Variants in ITGAE observed in about 807,000 individuals in gnomAD.
ITGAE encodes integrin subunit alpha E.
ITGAE carries 99 observed loss-of-function variants against 136.5 expected under a neutral mutation model. The ratio of observed to expected loss-of-function variants is 0.73; its 90% CI spans 0.62 to 0.86. The LOEUF (loss-of-function observed/expected upper bound fraction) is 0.86, where lower values mean the gene tolerates loss of function less well. Among genes scored for constraint, ITGAE ranks in the 40% least tolerant of loss-of-function variants. The pLI is 0.00. For missense variants in ITGAE, 1,447 were observed against 1,515.3 expected (o/e 0.95, Z 0.75); for synonymous variants, 613 against 591.8 (o/e 1.04, Z -0.52).
chr17:3,727,979 G>A lies in ITGAE; in HGVS notation c.3024C>T (p.Cys1008=), dbSNP rs749422372. ...LFGAEYQLQI[C]VPTKLRGLQV... is the part of the protein sequence containing the mutation. ...GGAGACCTCGTAATTTGGTTGGGACGCAAATTTGCAACTGGTATTCTGCTC... is the reference window on the plus strand; with the variant it reads ...GGAGACCTCGTAATTTGGTTGGGACACAAATTTGCAACTGGTATTCTGCTC... The change falls in exon 26 of 31, where the codon TGC becomes TGT. Residue 1008 remains cysteine, a synonymous_variant. Coordinates refer to ENST00000263087, the MANE Select transcript of ITGAE (RefSeq NM_002208.5). 27 of 1,613,972 alleles carry A rather than the reference G, an allele frequency of 1.7e-5. No homozygotes were observed. The highest frequency in any genetic ancestry group is 3.3e-4 in the Middle Eastern group (2 of 6,062).
At chr17:3,755,462 C>T (rs1045778767) in intron 11 of ITGAE, among the ~76,000 whole-genome samples, 3 of 152,228 alleles carry the variant, frequency 2.0e-5, no homozygotes, top group African/African-American at 7.2e-5. Flanking sequence ...CTTGCACTCC[C>T]TCCTCCGGGA....
intron 1 of ITGAE, among the ~76,000 whole-genome samples, chr17:3,794,574 TA>T (rs1230064143): frequency 6.6e-6 from 1 of 152,130 alleles, no homozygotes; most frequent in Non-Finnish European, 1.5e-5. Flanking sequence ...ACAGCCTACA[TA>T]GACTCTCAAA....
At position 3,756,102 on chromosome 17, in the gene ITGAE, G is replaced by A. The variant is rs541515852; in HGVS notation, c.1172-205C>T. ...ACTCTTTCTAGGCCTCAGTTTCCTC[G>A]TCTGTGAGCTCCTGGGAGAAGGGAC... On this transcript the variant is annotated intron_variant, in intron 10 of 30. Coordinates refer to ENST00000263087, the MANE Select transcript of ITGAE (RefSeq NM_002208.5). Among the ~76,000 whole-genome samples, 10 of 152,122 alleles carry A rather than the reference G, an allele frequency of 6.6e-5. No individual in the cohort carries two copies. In the East Asian group the frequency reaches 1.2e-3, roughly 18 times the overall value.
At chr17:3,771,352 C>A (rs1329954254) in intron 2 of ITGAE, among the ~76,000 whole-genome samples, 2 of 152,104 alleles carry the variant, frequency 1.3e-5, no homozygotes, top group Admixed American at 1.3e-4. Flanking sequence ...CGAGGCTAAT[C>A]CACGGAGATG....
intron 1 of ITGAE, among the ~76,000 whole-genome samples, chr17:3,784,809 A>T (rs1014584018): frequency 8.5e-5 from 13 of 152,206 alleles, no homozygotes; most frequent in Non-Finnish European, 1.9e-4. Flanking sequence ...ATGTTCTCTG[A>T]CTATACTAGA....
At chr17:3,716,986 A>C in intron 29 of ITGAE, 188 bp from the exon 30 acceptor site, 2 of 531,960 alleles carry the variant, frequency 3.8e-6, no homozygotes, top group Non-Finnish European at 6.7e-6. Context: ...AAACTATCCA[A>C]TCACCCAAAT....
chr17:3,760,833 CT>C (rs1433020267), intron 6 of ITGAE, among the ~76,000 whole-genome samples, 179 bp downstream of exon 6: 1 of 152,086 alleles, frequency 6.6e-6, no homozygotes, highest in Admixed American at 6.6e-5. Context: ...CACTACCACT[CT>C]CTGAGCCTCA....
intron 2 of ITGAE, among the ~76,000 whole-genome samples, chr17:3,772,711 G>A (rs147026184): frequency 0.063 from 9,554 of 152,156 alleles, 383 homozygotes; most frequent in Middle Eastern, 0.11. Flanking sequence ...TGATCTGCCC[G>A]CCTCAGCCTC....
chr17:3,775,889 G>C (rs1423001061), intron 2 of ITGAE, among the ~76,000 whole-genome samples: 1 of 152,064 alleles, frequency 6.6e-6, no homozygotes, highest in African/African-American at 2.4e-5. Context: ...CTCCAAGGTG[G>C]TGATCGCAAT....
rs1417614586 is a variant in ITGAE at position 3,716,763 on chromosome 17, A to G, written c.3369T>C (p.His1123=). Residue 1123 remains histidine, a synonymous_variant, in exon 30 of 31, where the codon CAT becomes CAC. Coordinates refer to ENST00000263087, the MANE Select transcript of ITGAE (RefSeq NM_002208.5). ...TGCCTTTAATGATGATAGGCAAAGA[A>G]TGGTACTTCTCATCTTTCAGGAAGA... ...TVVFLKDEKY[H]SLPIIIKGSV... is the part of the protein sequence containing the mutation. 41 of 1,608,344 alleles carry G rather than the reference A, an allele frequency of 2.5e-5. No homozygotes were observed. The highest frequency in any genetic ancestry group is 3.2e-5 in the Non-Finnish European group (38 of 1,174,750).
chr17:3,748,510 C>T (rs544613076), intron 16 of ITGAE, among the ~76,000 whole-genome samples: 8 of 152,234 alleles, frequency 5.3e-5, no homozygotes, highest in African/African-American at 1.4e-4. Context: ...TTGCTTAAAC[C>T]TGGGAGGCGG....
chr17:3,724,722 G>A, intron 26 of ITGAE: 1 of 1,614,234 alleles, frequency 6.2e-7, no homozygotes, highest in African/African-American at 1.3e-5. Context: ...TCGGGCAGAT[G>A]GGAAGAATAT....
At chr17:3,781,722 T>G (rs1430172940) in intron 1 of ITGAE, among the ~76,000 whole-genome samples, 3 of 152,212 alleles carry the variant, frequency 2.0e-5, no homozygotes, top group Non-Finnish European at 2.9e-5. Context: ...TGGAGTGAAA[T>G]AGGGATACAA....
Position 3,728,119 on chromosome 17 carries a change from C to A in ITGAE, c.2962G>T (p.Glu988Ter). The change falls in exon 25 of 31, where the codon GAA (glutamate) becomes TAA (stop). Residue 988 changes from glutamate to a stop codon, truncating the protein, a stop_gained. Coordinates refer to ENST00000263087, the MANE Select transcript of ITGAE (RefSeq NM_002208.5). LOFTEE classifies it high-confidence loss of function. Reference sequence around the variant, plus strand: ...TAAGTACTTACATGGAAGAGGAATTCTTTGTGGTGAGAAAGCCCCTGGCCT... The same window carrying A: ...TAAGTACTTACATGGAAGAGGAATTATTTGTGGTGAGAAAGCCCCTGGCCT... ...NTGQGLSHHKEFLFHVHGENL... is the reference protein window; with the variant it reads ...NTGQGLSHHK The A allele has an allele frequency of 5.0e-6, 8 of 1,613,198 alleles. No homozygotes were observed. The highest frequency in any genetic ancestry group is 1.3e-5 in the African/African-American group (1 of 75,012).
At chr17:3,733,962 C>CT (rs1300575317) in intron 21 of ITGAE, among the ~76,000 whole-genome samples, 1 of 152,212 alleles carries the variant, frequency 6.6e-6, no homozygotes, top group East Asian at 1.9e-4. Flanking sequence ...AGCTCTCTAC[C>CT]TCAGGTGGAA....
At chr17:3,797,579 G>A (rs1166214924) in intron 1 of ITGAE, among the ~76,000 whole-genome samples, 4 of 151,350 alleles carry the variant, frequency 2.6e-5, no homozygotes, top group Non-Finnish European at 4.4e-5. Flanking sequence ...TCCTGCCTCA[G>A]CCTCCCAAGT....
At chr17:3,750,757 C>G (rs767642663) in intron 15 of ITGAE, among the ~76,000 whole-genome samples, 1 of 149,692 alleles carries the variant, frequency 6.7e-6, no homozygotes, top group Non-Finnish European at 1.5e-5. Flanking sequence ...GGGCCAGGGA[C>G]GGGGTGGACC....
rs868810896 is a variant in ITGAE, at chr17:3,732,191, T to C, written c.2754+177A>G. Among the ~76,000 whole-genome samples, 8 of 152,098 alleles carry C rather than the reference T, an allele frequency of 5.3e-5. No individual in the cohort carries two copies. In the South Asian group the frequency reaches 8.3e-4, roughly 16 times the overall value. On this transcript the variant is annotated intron_variant, in intron 22 of 30. Coordinates refer to ENST00000263087, the MANE Select transcript of ITGAE (RefSeq NM_002208.5). ...CACCTAGGGCTGTGTACTGGAAAGC[T>C]CTCGTCCCCATCACCCCCTACTTTC... is the stretch of plus-strand genomic sequence containing the variant.
In ITGAE at chr17:3,760,248, A is replaced by G. The variant is rs1219285959; in HGVS notation, c.638T>C (p.Ile213Thr). Reference protein sequence around the residue: ...IAIILDGSGSIDPPDFQRAKD... With the variant: ...IAIILDGSGSTDPPDFQRAKD... ...GGCTCTCTGAAAGTCTGGGGGATCAATGCTTCCTGAGCCATCCAGGATGAT... is the reference window on the plus strand; with the variant it reads ...GGCTCTCTGAAAGTCTGGGGGATCAGTGCTTCCTGAGCCATCCAGGATGAT... The change falls in exon 7 of 31, where the codon ATT becomes ACT. Residue 213 changes from isoleucine to threonine, a missense_variant. Transcript: ENST00000263087. 18 of 1,613,658 alleles carry G rather than the reference A, an allele frequency of 1.1e-5. No individual in the cohort carries two copies. The highest frequency in any genetic ancestry group is 2.2e-5 in the South Asian group (2 of 91,024).
Sources: allele counts gnomAD v4.1 joint callset (sites outside exome capture counted in the v4.1 genomes callset), GRCh38; gene constraint gnomAD v4.1.1; transcripts MANE v1.5; gene names NCBI Gene and HGNC (gene_info 2026-07-23, HGNC 2026-07-21).